Variants in PCDHA1 observed in about 807,000 individuals in gnomAD.
PCDHA1 encodes protocadherin alpha 1.
In PCDHA1, 42 loss-of-function variants were observed where a neutral mutation model predicts 61.3. The ratio of observed to expected loss-of-function variants is 0.69; its 90% CI spans 0.54 to 0.89. The LOEUF is 0.89. Among genes scored for constraint, PCDHA1 ranks in the 40% least tolerant of loss-of-function variants. The pLI is 0.00. For missense variants in PCDHA1, 1,256 were observed against 1,235.3 expected, an observed-to-expected ratio of 1.02 and a Z score of -0.25; for synonymous variants, 610 against 553.8, an observed-to-expected ratio of 1.10 and a Z score of -1.43.
rs782213463 is a variant in PCDHA1, at chr5:140,787,104, G to T, written c.814G>T (p.Gly272Cys). Reference protein sequence around the residue: ...TTLNASDADEGVNGEVVFSFD... With the variant: ...TTLNASDADECVNGEVVFSFD... ...ATTAAATGCCTCTGATGCTGACGAA[G>T]GTGTAAATGGTGAAGTCGTCTTTTC... Residue 272 changes from glycine (G) to cysteine (C), a missense_variant, in exon 1 of 4, where the codon GGT becomes TGT. By Grantham distance (159) the Gly-to-Cys change is radical (BLOSUM62 -3). Coordinates refer to ENST00000504120, the MANE Select transcript of PCDHA1 (RefSeq NM_018900.4). 1.2e-6 allele frequency: 2 copies of T among 1,614,062 alleles called. No homozygotes were observed. The highest frequency in any genetic ancestry group is 1.7e-5 in the Admixed American group (1 of 60,002).
intron 1 of PCDHA1, chr5:140,841,651 G>A (rs2150320143): frequency 2.0e-5 from 32 of 1,614,034 alleles, no homozygotes; most frequent in Middle Eastern, 1.6e-4. Flanking sequence ...AGGTGATCGT[G>A]GACAGGCCGC....
At chr5:140,842,190 T>C (rs2150331409) in intron 1 of PCDHA1, 1 of 1,613,858 alleles carries the variant, frequency 6.2e-7, no homozygotes, top group East Asian at 2.2e-5. Context: ...ACTATGGTTA[T>C]TGACCACTTT....
chr5:140,801,648 C>A (rs782225894), intron 1 of PCDHA1: 1 of 1,614,156 alleles, frequency 6.2e-7, no homozygotes, highest in Non-Finnish European at 8.5e-7. Flanking sequence ...GCCTGGCTCT[C>A]GGTTTTCGCT....
At chr5:140,943,267 AAAAAAAAAAAG>A in intron 1 of PCDHA1, among the ~76,000 whole-genome samples, 2 of 150,426 alleles carry the variant, frequency 1.3e-5, no homozygotes, top group South Asian at 2.1e-4. Context: ...CAAAAAAAAA[AAAAAAAAAAAG>A]AAAGAAAGAA....
At chr5:140,859,044 G>C (rs1228604447) in intron 1 of PCDHA1, 6 of 150,376 alleles carry the variant, frequency 4.0e-5, no homozygotes, top group Non-Finnish European at 7.4e-5. Context: ...CTTTAAAAAC[G>C]TTTTCCATTT....
At chr5:140,920,474 GT>G (rs1407391996) in intron 1 of PCDHA1, among the ~76,000 whole-genome samples, 1 of 152,008 alleles carries the variant, frequency 6.6e-6, no homozygotes, top group Non-Finnish European at 1.5e-5. Flanking sequence ...ATTTCTGTAT[GT>G]TTTTGGTCCA....
At chr5:140,929,331 C>G in intron 1 of PCDHA1, 1 of 1,534,960 alleles carries the variant, frequency 6.5e-7, no homozygotes, top group Non-Finnish European at 8.8e-7. Context: ...CCATGGTAAG[C>G]AAATTTTATG....
chr5:140,870,919 C>T (rs1562653740), intron 1 of PCDHA1: 1 of 1,613,952 alleles, frequency 6.2e-7, no homozygotes, highest in Non-Finnish European at 8.5e-7. Context: ...CAACGCGTGG[C>T]TTTCATATGA....
rs527413028 is a variant in PCDHA1, at chr5:140,920,520, G to A, written c.2395-58429G>A. Among the ~76,000 whole-genome samples, 10 of 152,176 alleles carry A rather than the reference G, an allele frequency of 6.6e-5. No homozygotes were observed. In the South Asian group the frequency reaches 1.7e-3, roughly 25 times the overall value. ...TTCTACATACTGTTTTATGCAATTCGTTAGACTCAGGTTTTCTATTTCACC... is the reference window on the plus strand; with the variant it reads ...TTCTACATACTGTTTTATGCAATTCATTAGACTCAGGTTTTCTATTTCACC... On this transcript the variant is annotated intron_variant, in intron 1 of 3. Transcript: ENST00000504120.
intron 1 of PCDHA1, chr5:140,812,200 G>T (rs1765059673): frequency 6.6e-6 from 1 of 151,378 alleles, no homozygotes; most frequent in South Asian, 2.1e-4. Flanking sequence ...CTCCTTACTA[G>T]TTACAGCTTT....
Position 140,883,352 on chromosome 5 carries a change from G to A in PCDHA1, c.2394+94668G>A, listed in dbSNP as rs1554177776. ...TTCTTTGTCACTCCCCATCAGAGAA[G>A]ACACTCAGCCTAGCGCCATTATTGC... is the stretch of plus-strand genomic sequence containing the variant. On this transcript the variant is annotated intron_variant, in intron 1 of 3. Coordinates refer to ENST00000504120, the MANE Select transcript of PCDHA1 (RefSeq NM_018900.4). The A allele has an allele frequency of 1.9e-6, 3 of 1,614,164 alleles. No homozygotes were observed. In the East Asian group the frequency reaches 6.7e-5, roughly 36 times the overall value.
At chr5:140,862,471 C>G in intron 1 of PCDHA1, 3 of 374,584 alleles carry the variant, frequency 8.0e-6, no homozygotes, top group Non-Finnish European at 1.6e-5. Context: ...GAGAGCAAAT[C>G]TATCCATTGT....
At chr5:140,947,969 C>T (rs1159851699) in intron 1 of PCDHA1, among the ~76,000 whole-genome samples, 1 of 151,182 alleles carries the variant, frequency 6.6e-6, no homozygotes, top group African/African-American at 2.4e-5. Context: ...TAAGTATGTG[C>T]TACTCATAGG....
intron 1 of PCDHA1, among the ~76,000 whole-genome samples, chr5:140,964,473 T>C (rs1457345251): frequency 6.6e-6 from 1 of 152,068 alleles, no homozygotes; most frequent in Non-Finnish European, 1.5e-5. Flanking sequence ...TGCCTATGAT[T>C]TTTTCACAGT....
At position 140,903,816 on chromosome 5, in the gene PCDHA1, C is replaced by T. The variant is rs963125816; in HGVS notation, c.2395-75133C>T. On this transcript the variant is annotated intron_variant, in intron 1 of 3. Coordinates refer to ENST00000504120, the MANE Select transcript of PCDHA1 (RefSeq NM_018900.4). ...TTGTAATTGACAAGTATAGTTCTCACATGAATGTCTGTTGGTATTTTCATT... is the reference window on the plus strand; with the variant it reads ...TTGTAATTGACAAGTATAGTTCTCATATGAATGTCTGTTGGTATTTTCATT... Among the ~76,000 whole-genome samples, 7 of 152,190 alleles carry T rather than the reference C, an allele frequency of 4.6e-5. 1 individual carries two copies. The highest frequency in any genetic ancestry group is 2.6e-4 in the Admixed American group (4 of 15,282).
rs782500328 is a variant in PCDHA1, at chr5:140,786,555, C to T, written c.265C>T (p.Arg89Trp). 6.2e-6 allele frequency: 10 copies of T among 1,614,194 alleles called. No homozygotes were observed. The highest frequency in any genetic ancestry group is 1.1e-5 in the South Asian group (1 of 91,078). The change falls in exon 1 of 4, where the codon CGG becomes TGG. Residue 89 changes from arginine (R) to tryptophan (W), a missense_variant. Arg to Trp is a moderately radical substitution (Grantham distance 101). Coordinates refer to ENST00000504120, the MANE Select transcript of PCDHA1 (RefSeq NM_018900.4). ...LQNGILFVNS[R>W]IDREELCQWS... ...GAATGGCATTTTGTTTGTGAATTCTCGGATCGATCGCGAGGAGCTGTGCCA... is the reference window on the plus strand; with the variant it reads ...GAATGGCATTTTGTTTGTGAATTCTTGGATCGATCGCGAGGAGCTGTGCCA...
intron 1 of PCDHA1, chr5:140,850,214 T>A (rs1554143992): frequency 6.3e-7 from 1 of 1,593,328 alleles, no homozygotes; most frequent in African/African-American, 1.3e-5. Flanking sequence ...TGAGGGGCAC[T>A]GACGGCGCAG....
chr5:140,950,110 C>A (rs542585854), intron 1 of PCDHA1, among the ~76,000 whole-genome samples: 23 of 151,848 alleles, frequency 1.5e-4, no homozygotes, highest in African/African-American at 5.5e-4. Context: ...AAATCTCATA[C>A]AATACAAAAC....
At chr5:140,896,657 A>G (rs1554187043) in intron 1 of PCDHA1, among the ~76,000 whole-genome samples, 1 of 152,010 alleles carries the variant, frequency 6.6e-6, no homozygotes, top group East Asian at 1.9e-4. Flanking sequence ...TATTACAGGC[A>G]TGAGTCACTG....
Sources: gnomAD v4.1 joint callset for allele counts (sites outside exome capture counted in the v4.1 genomes callset) on GRCh38, gnomAD v4.1.1 for gene constraint, MANE v1.5 for transcripts, NCBI Gene and HGNC (gene_info 2026-07-23, HGNC 2026-07-21) for gene names.